The following CNNM2 variants were observed in gnomAD, a reference collection of about 807,000 sequenced individuals.
CNNM2 encodes the protein metal transporter CNNM2.
In CNNM2, 12 loss-of-function variants were observed where a neutral mutation model predicts 66.9. The observed-to-expected ratio is 0.18, with a 90% CI of 0.11 to 0.29. CNNM2 has a LOEUF of 0.29. Among genes scored for constraint, CNNM2 ranks in the 10% least tolerant of loss-of-function variants. The probability of loss-of-function intolerance (pLI) is 1.00; values close to 1 mark genes in which losing one functional copy is unlikely to be tolerated. For missense variants in CNNM2, 705 were observed against 1,167.7 expected, an observed-to-expected ratio of 0.60 and a Z score of 5.77; for synonymous variants, 557 against 501.8, an observed-to-expected ratio of 1.11 and a Z score of -1.47.
At chr10:102,950,647 A>C (rs1214173794) in intron 1 of CNNM2, among the ~76,000 whole-genome samples, 1 of 151,978 alleles carries the variant, frequency 6.6e-6, no homozygotes, top group Non-Finnish European at 1.5e-5. Flanking sequence ...CCAGCTACTC[A>C]TGACACTGAG....
intron 7 of CNNM2, among the ~76,000 whole-genome samples, 187 bp downstream of exon 7, chr10:103,076,457 C>A (rs1271107409): frequency 2.0e-5 from 3 of 152,304 alleles, no homozygotes; most frequent in East Asian, 3.9e-4. Context: ...TTGAGAAAAA[C>A]GTTGATCTTC....
intron 1 of CNNM2, among the ~76,000 whole-genome samples, chr10:103,036,807 C>CT (rs1200334951): frequency 6.6e-6 from 1 of 152,128 alleles, no homozygotes; most frequent in Non-Finnish European, 1.5e-5. Context: ...AACTTAAACA[C>CT]TAAAGCATAA....
intron 1 of CNNM2, among the ~76,000 whole-genome samples, chr10:102,930,450 G>C (rs2134165620): frequency 6.6e-6 from 1 of 152,296 alleles, no homozygotes; most frequent in East Asian, 1.9e-4. Flanking sequence ...TCCTGATCTT[G>C]TGAAAACTAA....
rs7088200 is a variant in CNNM2, at chr10:103,033,478, G to A, written c.1622-16229G>A. On this transcript the variant is annotated intron_variant, in intron 1 of 7. Transcript: ENST00000369878. Reference sequence around the variant, plus strand: ...GTGCTGGGATTACAAATAGGCGTGAGCCACCACGCCTGGACAATCTAAGGT... The same window carrying A: ...GTGCTGGGATTACAAATAGGCGTGAACCACCACGCCTGGACAATCTAAGGT... Among the ~76,000 whole-genome samples the A allele has an allele frequency of 0.31, 46,729 of 151,618 alleles. 7,300 individuals are homozygous for A. The highest frequency in any genetic ancestry group is 0.37 in the Middle Eastern group (107 of 292).
At chr10:103,070,951 A>G (rs1333963437) in intron 5 of CNNM2, among the ~76,000 whole-genome samples, 1 of 151,766 alleles carries the variant, frequency 6.6e-6, no homozygotes, top group Non-Finnish European at 1.5e-5. Context: ...GCGGGGGGGG[A>G]ATTTCATTAA....
chr10:102,947,719 C>G (rs1475897504), intron 1 of CNNM2, among the ~76,000 whole-genome samples: 2 of 151,820 alleles, frequency 1.3e-5, no homozygotes, highest in African/African-American at 4.8e-5. Context: ...CCACTGCACT[C>G]CATCCAGCCT....
At chr10:103,012,960 ATAAG>A (rs1301735420) in intron 1 of CNNM2, among the ~76,000 whole-genome samples, 4 of 152,148 alleles carry the variant, frequency 2.6e-5, no homozygotes, top group Admixed American at 2.0e-4. Flanking sequence ...ACCATATGAA[ATAAG>A]TAAGCCTTTT....
Position 103,071,212 on chromosome 10 carries a change from TG to T in CNNM2, c.2168-561del, listed in dbSNP as rs1327786416. 3.3e-5 allele frequency among the ~76,000 whole-genome samples: 5 copies of T among 152,336 alleles called. No homozygotes were observed. The East Asian group carries it at 9.6e-4, about 29-fold the overall frequency. On this transcript the variant is annotated intron_variant, in intron 5 of 7. Transcript: ENST00000369878. ...ATCTGATGGGGCAGTGAGTAAGTGG[TG>T]ATGAGGATGACTCTGGTCTGCATTC...
chr10:103,011,964 T>TA (rs2064351709), intron 1 of CNNM2, among the ~76,000 whole-genome samples: 1 of 152,146 alleles, frequency 6.6e-6, no homozygotes, highest in African/African-American at 2.4e-5. Flanking sequence ...GTGCTGAGAT[T>TA]ACAAGTGTGA....
chr10:102,986,891 C>T (rs1479326482), intron 1 of CNNM2, among the ~76,000 whole-genome samples: 7 of 151,768 alleles, frequency 4.6e-5, no homozygotes, highest in Non-Finnish European at 8.8e-5. Context: ...TAAGTGTTGA[C>T]ATATGGGTAG....
intron 1 of CNNM2, among the ~76,000 whole-genome samples, chr10:102,989,017 A>T (rs768767522): frequency 9.2e-5 from 14 of 152,156 alleles, no homozygotes; most frequent in Non-Finnish European, 7.3e-5. Context: ...TGGTTGTCTA[A>T]CTACACAGGC....
At chr10:103,020,140 A>G (rs948179852) in intron 1 of CNNM2, among the ~76,000 whole-genome samples, 1 of 150,314 alleles carries the variant, frequency 6.7e-6, no homozygotes, top group Non-Finnish European at 1.5e-5. Flanking sequence ...CAGGTTTTCA[A>G]TCTTGCATTT....
At chr10:103,055,665 C>G (rs2065283032) in intron 3 of CNNM2, among the ~76,000 whole-genome samples, 1 of 152,094 alleles carries the variant, frequency 6.6e-6, no homozygotes, top group Non-Finnish European at 1.5e-5. Context: ...TATCTTATTA[C>G]AAAAAAGTCA....
intron 1 of CNNM2, among the ~76,000 whole-genome samples, chr10:103,006,223 T>C (rs975317089): frequency 6.6e-6 from 1 of 151,966 alleles, no homozygotes; most frequent in African/African-American, 2.4e-5. Flanking sequence ...TTTTTTTTTT[T>C]TGAGATGGAG....
In CNNM2 at chr10:102,918,843, C is replaced by A; in HGVS notation, c.363C>A (p.Thr121=). ...AGACGTGGTCCCGCATCGCCTTCAC[C>A]GAGCACGAGCGGCGGCGCCACAGCC... ...NNETWSRIAF[T]EHERRRHSPG... The change falls in exon 1 of 8, where the codon ACC becomes ACA. Residue 121 remains threonine, a synonymous_variant. Coordinates refer to ENST00000369878, the MANE Select transcript of CNNM2 (RefSeq NM_017649.5). The surrounding 1 kb of genome is among the most constrained non-coding windows in gnomAD (Gnocchi z 4.1). The A allele has an allele frequency of 6.3e-7, 1 of 1,585,948 alleles. No homozygotes were observed. Among genetic ancestry groups the A allele is most frequent in the Non-Finnish European group, 8.6e-7 (1 of 1,166,194 alleles).
chr10:102,983,404 G>C (rs919984172), intron 1 of CNNM2, among the ~76,000 whole-genome samples: 1 of 149,072 alleles, frequency 6.7e-6, no homozygotes, highest in African/African-American at 2.4e-5. Context: ...GCTCACACCT[G>C]TAATCCCAGC....
intron 1 of CNNM2, among the ~76,000 whole-genome samples, chr10:102,929,727 C>G (rs1273439452): frequency 6.6e-6 from 1 of 152,174 alleles, no homozygotes; most frequent in African/African-American, 2.4e-5. Context: ...GACATTTAGA[C>G]AGTTTCCACT....
intron 1 of CNNM2, among the ~76,000 whole-genome samples, chr10:103,034,030 T>G (rs1483936928): frequency 6.6e-6 from 1 of 152,072 alleles, no homozygotes; most frequent in Non-Finnish European, 1.5e-5. Flanking sequence ...TTTTTGAAGT[T>G]TATCATATGC....
rs11191473 is a variant in CNNM2 at position 102,950,953 on chromosome 10, C to G, written c.1621+30852C>G. Among the ~76,000 whole-genome samples the G allele has an allele frequency of 0.1, 15,234 of 148,372 alleles. 821 individuals are homozygous for G. The highest frequency in any genetic ancestry group is 0.17 in the Middle Eastern group (49 of 282). On this transcript the variant is annotated intron_variant, in intron 1 of 7. Transcript: ENST00000369878. Reference sequence around the variant, plus strand: ...TCCCTTTCTGTAATATTAGTTCCTCCTGGGGGCAATAGGAATTCTTTCTTT... The same window carrying G: ...TCCCTTTCTGTAATATTAGTTCCTCGTGGGGGCAATAGGAATTCTTTCTTT...
Sources: allele counts gnomAD v4.1 joint callset (sites outside exome capture counted in the v4.1 genomes callset), GRCh38; gene constraint gnomAD v4.1.1; non-coding constraint Gnocchi (gnomAD v3.1); transcripts MANE v1.5; gene names NCBI Gene and HGNC (gene_info 2026-07-23, HGNC 2026-07-21).